ADAMTS19: variants seen among roughly 807,000 people sequenced by gnomAD.
ADAMTS19 encodes the protein ADAM metallopeptidase with thrombospondin type 1 motif 19, also known as A disintegrin and metalloproteinase with thrombospondin motifs 19.
In ADAMTS19, 93 loss-of-function variants were observed where a neutral mutation model predicts 153.3. That is an observed-to-expected ratio of 0.61 (90% CI 0.51 to 0.72). ADAMTS19 has a LOEUF of 0.72. Among genes scored for constraint, ADAMTS19 ranks in the 30% least tolerant of loss-of-function variants. ADAMTS19 has a pLI of 0.00. For synonymous variants in ADAMTS19, 600 were observed against 556.6 expected (o/e 1.08, Z -1.10); for missense variants, 1,482 against 1,552.1 (o/e 0.95, Z 0.76).
At chr5:129,637,425 A>C (rs1752580612) in intron 10 of ADAMTS19, among the ~76,000 whole-genome samples, 1 of 152,336 alleles carries the variant, frequency 6.6e-6, no homozygotes, top group East Asian at 1.9e-4. Flanking sequence ...TAATACATGA[A>C]GTAGATCACT....
intron 2 of ADAMTS19, among the ~76,000 whole-genome samples, chr5:129,463,971 T>C (rs186842392): frequency 2.6e-4 from 40 of 152,258 alleles, no homozygotes; most frequent in Non-Finnish European, 8.8e-5. Context: ...TCAAATGTTA[T>C]GCTAAGGTAA....
At chr5:129,560,802 T>G (rs1476507087) in intron 7 of ADAMTS19, among the ~76,000 whole-genome samples, 1 of 152,204 alleles carries the variant, frequency 6.6e-6, no homozygotes, top group African/African-American at 2.4e-5. Context: ...TCACATGTGT[T>G]GTGACACTAA....
At chr5:129,676,883 C>T (rs1369456702) in intron 16 of ADAMTS19, among the ~76,000 whole-genome samples, 3 of 152,090 alleles carry the variant, frequency 2.0e-5, no homozygotes, top group African/African-American at 7.2e-5. Flanking sequence ...CCAATTGAAT[C>T]TAAATGTACT....
At chr5:129,524,014 A>C (rs1329276225) in intron 3 of ADAMTS19, among the ~76,000 whole-genome samples, 1 of 152,176 alleles carries the variant, frequency 6.6e-6, no homozygotes, top group Admixed American at 6.6e-5. Context: ...GACAATCCTA[A>C]GCAAAAAGAA....
chr5:129,534,782 T>C (rs554470556), intron 6 of ADAMTS19, among the ~76,000 whole-genome samples: 2 of 152,258 alleles, frequency 1.3e-5, no homozygotes, highest in Admixed American at 1.3e-4. Context: ...CGAAAATCAA[T>C]AAACGTAATC....
Position 129,537,938 on chromosome 5 carries a change from T to A in ADAMTS19, c.1328+9261T>A, listed in dbSNP as rs548551499. Among the ~76,000 whole-genome samples the A allele has an allele frequency of 5.7e-4, 86 of 151,302 alleles. No individual in the cohort carries two copies. In the South Asian group the frequency reaches 0.017, roughly 30 times the overall value. Reference sequence around the variant, plus strand: ...TAAAGTATAATAATAATAATGATAATAAATACACAAAAAAAGAAAAAAAAG... The same window carrying A: ...TAAAGTATAATAATAATAATGATAAAAAATACACAAAAAAAGAAAAAAAAG... On this transcript the variant is annotated intron_variant, in intron 6 of 22. Coordinates refer to ENST00000274487, the MANE Select transcript of ADAMTS19 (RefSeq NM_133638.6).
chr5:129,658,444 G>A (rs1334274961), intron 14 of ADAMTS19, among the ~76,000 whole-genome samples, 173 bp from the exon 15 acceptor site: 1 of 152,138 alleles, frequency 6.6e-6, no homozygotes, highest in Non-Finnish European at 1.5e-5. Flanking sequence ...TATGTTATTT[G>A]ACATTGGCTT....
chr5:129,645,952 G>A (rs868685768), intron 11 of ADAMTS19, among the ~76,000 whole-genome samples: 2 of 137,766 alleles, frequency 1.5e-5, no homozygotes, highest in African/African-American at 2.7e-5. Flanking sequence ...GCAGTGGCGG[G>A]ATCTCGGCTC....
At chr5:129,621,914 T>C (rs1295770789) in intron 9 of ADAMTS19, among the ~76,000 whole-genome samples, 1 of 152,182 alleles carries the variant, frequency 6.6e-6, no homozygotes, top group East Asian at 1.9e-4. Context: ...ATTAAATGCA[T>C]AAAATAACAC....
At chr5:129,515,716 A>G (rs1031791297) in intron 3 of ADAMTS19, among the ~76,000 whole-genome samples, 2 of 152,012 alleles carry the variant, frequency 1.3e-5, no homozygotes, top group South Asian at 2.1e-4. Flanking sequence ...CAAATATAGG[A>G]TTACATTATC....
intron 8 of ADAMTS19, among the ~76,000 whole-genome samples, chr5:129,598,223 C>T (rs1406398361): frequency 6.6e-6 from 1 of 152,140 alleles, no homozygotes; most frequent in African/African-American, 2.4e-5. Context: ...GGCAACCATT[C>T]CTAGGAGCTG....
intron 2 of ADAMTS19, among the ~76,000 whole-genome samples, chr5:129,490,014 A>T (rs1750716182): frequency 6.6e-6 from 1 of 152,246 alleles, no homozygotes; most frequent in South Asian, 2.1e-4. Flanking sequence ...TAATTAAATT[A>T]ATGCAGAATA....
chr5:129,487,175 TA>T (rs568966708), intron 2 of ADAMTS19, among the ~76,000 whole-genome samples: 22 of 152,316 alleles, frequency 1.4e-4, no homozygotes, highest in African/African-American at 4.8e-4. Flanking sequence ...TTTATTTATT[TA>T]TTTTTTTACA....
In ADAMTS19 at chr5:129,532,987, C is replaced by T. The variant is rs886338914; in HGVS notation, c.1328+4310C>T. 9.9e-5 allele frequency among the ~76,000 whole-genome samples: 15 copies of T among 152,106 alleles called. No homozygotes were observed. The South Asian group carries it at 1.2e-3, about 13-fold the overall frequency. ...GCGTGGTGGCTTATGCCTGTAATCC[C>T]GGCTACTCGGGAGGCTGAGGCAGGA... is the stretch of plus-strand genomic sequence containing the variant. On this transcript the variant is annotated intron_variant, in intron 6 of 22. Transcript: ENST00000274487.
Position 129,468,015 on chromosome 5 carries a change from G to A in ADAMTS19, c.747+6258G>A, listed in dbSNP as rs569123181. Among the ~76,000 whole-genome samples, 84 of 152,090 alleles carry A rather than the reference G, an allele frequency of 5.5e-4. 1 individual carries two copies. In the South Asian group the frequency reaches 0.016, roughly 30 times the overall value. ...TGTAAAGAGATTCCCCTTTTTTTAC[G>A]TCCTCTTATATCTGATTGCAAGGAT... On this transcript the variant is annotated intron_variant, in intron 2 of 22. Coordinates refer to ENST00000274487, the MANE Select transcript of ADAMTS19 (RefSeq NM_133638.6).
At chr5:129,717,240 TA>T (rs927799940) in intron 21 of ADAMTS19, among the ~76,000 whole-genome samples, 1 of 152,204 alleles carries the variant, frequency 6.6e-6, no homozygotes, top group Non-Finnish European at 1.5e-5. Flanking sequence ...AACATTGTAC[TA>T]TATGTGTAAG....
chr5:129,689,818 C>A (rs1197896486), intron 18 of ADAMTS19, among the ~76,000 whole-genome samples: 1 of 152,122 alleles, frequency 6.6e-6, no homozygotes, highest in Non-Finnish European at 1.5e-5. Flanking sequence ...TTTTTCTCTG[C>A]ATTATTTTAT....
intron 21 of ADAMTS19, among the ~76,000 whole-genome samples, chr5:129,718,627 G>A (rs777860149): frequency 3.3e-5 from 5 of 152,092 alleles, no homozygotes; most frequent in Admixed American, 6.5e-5. Context: ...GGAATGCAGC[G>A]CTAATAATTT....
chr5:129,568,546 A>C (rs1244855576), intron 7 of ADAMTS19, among the ~76,000 whole-genome samples: 1 of 152,168 alleles, frequency 6.6e-6, no homozygotes, highest in Admixed American at 6.5e-5. Flanking sequence ...TACACTGGGC[A>C]TGGTCACTCA....
Sources: allele counts gnomAD v4.1 joint callset (sites outside exome capture counted in the v4.1 genomes callset), GRCh38; gene constraint gnomAD v4.1.1; transcripts MANE v1.5; gene names NCBI Gene and HGNC (gene_info 2026-07-23, HGNC 2026-07-21).